The following IFT140 variants were observed in gnomAD, a reference collection of about 807,000 sequenced individuals.
The protein encoded by IFT140 is intraflagellar transport protein 140 homolog.
Under a neutral mutation model 164.6 loss-of-function variants are expected in IFT140, and 133 were observed. The observed-to-expected ratio is 0.81, with a 90% CI of 0.70 to 0.93. IFT140 has a LOEUF of 0.93. Among genes scored for constraint, IFT140 ranks in the 40% least tolerant of loss-of-function variants. The probability of loss-of-function intolerance (pLI) is 0.00; values close to 1 mark genes in which losing one functional copy is unlikely to be tolerated. For missense variants in IFT140, 2,045 were observed against 1,972.3 expected, an observed-to-expected ratio of 1.04 and a Z score of -0.70; for synonymous variants, 860 against 817.3, an observed-to-expected ratio of 1.05 and a Z score of -0.89.
intron 4 of IFT140, among the ~76,000 whole-genome samples, chr16:1,600,904 A>AG (rs1264849281): frequency 1.3e-5 from 2 of 152,086 alleles, no homozygotes; most frequent in Non-Finnish European, 2.9e-5. Flanking sequence ...AAAAAAAAAA[A>AG]AGGGAGGAAA....
intron 13 of IFT140, among the ~76,000 whole-genome samples, chr16:1,574,738 C>G (rs541202069): frequency 6.6e-6 from 1 of 151,748 alleles, no homozygotes; most frequent in African/African-American, 2.4e-5. Context: ...TATCCCACCC[C>G]CTTCCATGGC....
chr16:1,604,318 G>GT (rs765604573), intron 3 of IFT140: 1,072 of 67,324 alleles, frequency 0.016, 17 homozygotes, highest in Middle Eastern at 0.033. Flanking sequence ...TGTGTGTGTG[G>GT]AGGGGGGAGC....
chr16:1,556,660 G>A (rs574330660), intron 19 of IFT140, among the ~76,000 whole-genome samples: 5 of 152,314 alleles, frequency 3.3e-5, no homozygotes, highest in South Asian at 4.1e-4. Context: ...AGCACACAGC[G>A]TAGAAATACC....
At chr16:1,579,602 T>A (rs1055742285) in intron 13 of IFT140, 4 of 152,206 alleles carry the variant, frequency 2.6e-5, no homozygotes, top group Non-Finnish European at 4.4e-5. Context: ...CAACACACTG[T>A]GTCTGCCCCC....
rs1232315133 is a variant in IFT140 at position 1,549,933 on chromosome 16, C to T, written c.2399+8002G>A. On this transcript the variant is annotated intron_variant, in intron 19 of 30. Transcript: ENST00000426508. ...TTGCGTGTGGACATGTGAACTCATA[C>T]TTCTTTAATCAGTTTATCTACATTC... is the stretch of plus-strand genomic sequence containing the variant. Among the ~76,000 whole-genome samples, 5 of 152,302 alleles carry T rather than the reference C, an allele frequency of 3.3e-5. No individual in the cohort carries two copies. In the East Asian group the frequency reaches 7.7e-4, roughly 24 times the overall value.
Position 1,566,262 on chromosome 16 carries a change from G to A in IFT140, c.1800C>T (p.Cys600=). ...CTGTGTCCATTTCAACATCGTAGAA[G>A]CAGATTTTGGAATCAGGGCTGTTGT... ...KADNSPDSKI[C]FYDVEMDTVT... The change falls in exon 16 of 31, where the codon TGC becomes TGT. Residue 600 remains cysteine, a synonymous_variant. Transcript: ENST00000426508. 1.2e-6 allele frequency: 2 copies of A among 1,613,750 alleles called. No homozygotes were observed. The highest frequency in any genetic ancestry group is 1.7e-6 in the Non-Finnish European group (2 of 1,179,692).
intron 3 of IFT140, among the ~76,000 whole-genome samples, chr16:1,606,530 C>A (rs539396751): frequency 2.6e-5 from 4 of 152,158 alleles, no homozygotes; most frequent in African/African-American, 9.7e-5. Flanking sequence ...GCGTGATCGC[C>A]GCTCACTGCA....
chr16:1,571,617 T>TG (rs2034018442), intron 13 of IFT140, 83 bp from the exon 14 acceptor site: 2 of 1,373,670 alleles, frequency 1.5e-6, no homozygotes, highest in Non-Finnish European at 2.0e-6. Context: ...ACACAAGAAA[T>TG]GGATATATTT....
In IFT140 at chr16:1,553,484, G is replaced by A; in HGVS notation, c.2399+4451C>T. 1.0e-6 allele frequency: 1 copy of A among 985,498 alleles called. No homozygotes were observed. The allele number at this position is 985,498 out of a possible 1,614,324, so 61.0% of individuals were successfully genotyped here. On this transcript the variant is annotated intron_variant, in intron 19 of 30. Coordinates refer to ENST00000426508, the MANE Select transcript of IFT140 (RefSeq NM_014714.4). The surrounding 1 kb of genome is among the most constrained non-coding windows in gnomAD (Gnocchi z 4.4). ...AACATGCAGGCCAGGCGGAGGGACAGCAGTGGGGCTCGGCGTGGCCGGAGC... is the reference window on the plus strand; with the variant it reads ...AACATGCAGGCCAGGCGGAGGGACAACAGTGGGGCTCGGCGTGGCCGGAGC...
At chr16:1,581,881 A>G (rs78488822) in intron 12 of IFT140, among the ~76,000 whole-genome samples, 2,929 of 151,280 alleles carry the variant, frequency 0.019, 95 homozygotes, top group African/African-American at 0.067. Flanking sequence ...GAAAAATGTT[A>G]TGAGAGAACT....
chr16:1,602,579 G>C lies in IFT140; in HGVS notation c.160C>G (p.Pro54Ala). The C allele has an allele frequency of 6.2e-7, 1 of 1,611,960 alleles. No homozygotes were observed. Residue 54 changes from proline to alanine, a missense_variant, in exon 4 of 31, where the codon CCA becomes GCA. Pro to Ala is a conservative substitution (Grantham distance 27). Coordinates refer to ENST00000426508, the MANE Select transcript of IFT140 (RefSeq NM_014714.4). ...DIYLEQGECV[P>A]DTHVERPFRV... ...AACGGCCTCTCGACGTGTGTATCTG[G>C]CACGCACTCCCCCTGCATTGGATGA...
chr16:1,610,410 C>A (rs1212259626), intron 2 of IFT140: 1 of 154,824 alleles, frequency 6.5e-6, no homozygotes, highest in East Asian at 1.9e-4. Context: ...GGGACTCTCC[C>A]AGCTACCGGA....
intron 13 of IFT140, among the ~76,000 whole-genome samples, chr16:1,576,469 G>T (rs2034282377): frequency 6.6e-6 from 1 of 151,226 alleles, no homozygotes; most frequent in Non-Finnish European, 1.5e-5. Flanking sequence ...GTGGGCGCCT[G>T]TAGTCCCAGC....
At chr16:1,519,083 T>A (rs756533567) in intron 29 of IFT140, among the ~76,000 whole-genome samples, 4 of 152,178 alleles carry the variant, frequency 2.6e-5, no homozygotes, top group Non-Finnish European at 4.4e-5. Flanking sequence ...CCAGCTGCTA[T>A]CGATTCTCCT....
At position 1,525,267 on chromosome 16, in the gene IFT140, G is replaced by T; in HGVS notation, c.2828C>A (p.Pro943Gln). The T allele has an allele frequency of 1.9e-6, 3 of 1,612,886 alleles. No homozygotes were observed. The highest frequency in any genetic ancestry group is 8.5e-7 in the Non-Finnish European group (1 of 1,179,864). The change falls in exon 22 of 31, where the codon CCG becomes CAG. Residue 943 changes from proline (P) to glutamine (Q), a missense_variant. Pro to Gln is a moderately conservative substitution (Grantham distance 76, BLOSUM62 -1). Coordinates refer to ENST00000426508, the MANE Select transcript of IFT140 (RefSeq NM_014714.4). Reference sequence around the variant, plus strand: ...TTTATTCACGTAGAGCTCCAGGGACGGCAGGTCCTCCGACAGCATCCTGGG... The same window carrying T: ...TTTATTCACGTAGAGCTCCAGGGACTGCAGGTCCTCCGACAGCATCCTGGG... ...EVPRMLSEDL[P>Q]SLELYVNKMK...
chr16:1,515,477 G>A (rs893846721), intron 30 of IFT140, among the ~76,000 whole-genome samples: 1 of 152,174 alleles, frequency 6.6e-6, no homozygotes, highest in Non-Finnish European at 1.5e-5. Context: ...TGCTATCACA[G>A]CTCACTGCAG....
chr16:1,608,122 C>T (rs1010309925), intron 2 of IFT140, among the ~76,000 whole-genome samples: 2 of 152,160 alleles, frequency 1.3e-5, no homozygotes, highest in South Asian at 2.1e-4. Flanking sequence ...AATGCACAGC[C>T]GCAGCAGCTG....
chr16:1,566,680 A>C (rs1460759372), intron 15 of IFT140, among the ~76,000 whole-genome samples: 1 of 152,006 alleles, frequency 6.6e-6, no homozygotes, highest in African/African-American at 2.4e-5. Context: ...TGCCATGGTC[A>C]AGTAGGCCCC....
intron 4 of IFT140, among the ~76,000 whole-genome samples, chr16:1,595,562 A>G (rs1197272823): frequency 6.6e-6 from 1 of 150,732 alleles, no homozygotes; most frequent in Non-Finnish European, 1.5e-5. Flanking sequence ...TTGCAGTGCC[A>G]TTGCACTCCA....
Sources: gnomAD v4.1 joint callset for allele counts (sites outside exome capture counted in the v4.1 genomes callset) on GRCh38, gnomAD v4.1.1 for gene constraint, Gnocchi (gnomAD v3.1) non-coding constraint, MANE v1.5 for transcripts, NCBI Gene and HGNC (gene_info 2026-07-23, HGNC 2026-07-21) for gene names.